Variants in EIF2S2 observed in about 807,000 individuals in gnomAD.
EIF2S2 encodes eukaryotic translation initiation factor 2 subunit 2.
Under a neutral mutation model 44.0 loss-of-function variants are expected in EIF2S2, and 4 were observed. The ratio of observed to expected loss-of-function variants is 0.09; its 90% CI spans 0.04 to 0.21. The LOEUF is 0.21. Among genes scored for constraint, EIF2S2 ranks in the 10% least tolerant of loss-of-function variants. The pLI, the probability that EIF2S2 is intolerant of heterozygous loss-of-function variation, is 1.00. For synonymous variants in EIF2S2, 108 were observed against 128.3 expected (o/e 0.84, Z 1.07); for missense variants, 154 against 392.0 (o/e 0.39, Z 5.13).
At chr20:34,101,419 G>C (rs1299515966) in intron 3 of EIF2S2, among the ~76,000 whole-genome samples, 2 of 152,170 alleles carry the variant, frequency 1.3e-5, no homozygotes, top group African/African-American at 4.8e-5. Context: ...CTGGGCGACA[G>C]AGTGAGACTT....
At chr20:34,091,788 G>GGT (rs1303155355) in intron 7 of EIF2S2, among the ~76,000 whole-genome samples, 1 of 127,362 alleles carries the variant, frequency 7.9e-6, no homozygotes, top group African/African-American at 3.0e-5. Context: ...GGGGGGGGGG[G>GGT]TCCAAGGGTG....
At chr20:34,090,316 C>T (rs532470054) in intron 8 of EIF2S2, among the ~76,000 whole-genome samples, 1 of 152,358 alleles carries the variant, frequency 6.6e-6, no homozygotes, top group South Asian at 2.1e-4. Context: ...ATCAGCTGGG[C>T]TTTCTTTAAA....
At chr20:34,096,189 G>C (rs1226684793) in intron 6 of EIF2S2, among the ~76,000 whole-genome samples, 3 of 152,000 alleles carry the variant, frequency 2.0e-5, no homozygotes, top group African/African-American at 7.2e-5. Flanking sequence ...CATCTAGTTA[G>C]GATCCATCCT....
At chr20:34,109,911 T>C (rs1000394839) in intron 1 of EIF2S2, among the ~76,000 whole-genome samples, 2 of 150,516 alleles carry the variant, frequency 1.3e-5, no homozygotes, top group Non-Finnish European at 3.0e-5. Context: ...AAGACCAACA[T>C]AGTGAGACCC....
intron 6 of EIF2S2, 107 bp from the exon 7 acceptor site, chr20:34,093,838 G>A (rs2034196800): frequency 1.1e-6 from 1 of 911,348 alleles, no homozygotes; most frequent in East Asian, 2.7e-5. Flanking sequence ...GCTATTAAGT[G>A]AATTTCACTG....
chr20:34,102,087 T>C (rs913024500), intron 3 of EIF2S2, among the ~76,000 whole-genome samples: 3 of 152,198 alleles, frequency 2.0e-5, no homozygotes, highest in African/African-American at 7.2e-5. Context: ...GTGCCTTGCC[T>C]GATGACCAGG....
intron 1 of EIF2S2, 94 bp from the exon 2 acceptor site, chr20:34,105,639 TAA>T (rs879834660): frequency 1.5e-5 from 18 of 1,207,248 alleles, no homozygotes; most frequent in Admixed American, 5.8e-5. Context: ...GGCATACTCT[TAA>T]AAGAGTATGT....
At chr20:34,091,166 A>T (rs17091514) in intron 7 of EIF2S2, among the ~76,000 whole-genome samples, 13,884 of 152,204 alleles carry the variant, frequency 0.091, 2,091 homozygotes, top group African/African-American at 0.31. Context: ...TAAGTCTAAA[A>T]CAAACTGATT....
chr20:34,103,641 G>T, intron 2 of EIF2S2, 76 bp from the exon 3 acceptor site: 1 of 1,408,866 alleles, frequency 7.1e-7, no homozygotes, highest in Non-Finnish European at 9.3e-7. Context: ...ACATAGTTCA[G>T]CAATTAATCA....
chr20:34,111,694 C>G (rs137987168), intron 1 of EIF2S2, among the ~76,000 whole-genome samples: 283 of 152,378 alleles, frequency 1.9e-3, no homozygotes, highest in Non-Finnish European at 3.5e-3. Flanking sequence ...CCAAGAGAGG[C>G]TCCTCGCGGC....
At chr20:34,109,642 A>C (rs1281751798) in intron 1 of EIF2S2, among the ~76,000 whole-genome samples, 1 of 152,112 alleles carries the variant, frequency 6.6e-6, no homozygotes, top group Non-Finnish European at 1.5e-5. Context: ...CCTGGGAAAC[A>C]AGAGCGAGAC....
At chr20:34,110,947 C>G (rs2034405356) in intron 1 of EIF2S2, among the ~76,000 whole-genome samples, 1 of 152,178 alleles carries the variant, frequency 6.6e-6, no homozygotes, top group South Asian at 2.1e-4. Context: ...CTGGTTTAGC[C>G]ACTTAGTATT....
intron 1 of EIF2S2, 121 bp downstream of exon 1, chr20:34,111,975 A>C (rs1453945462): frequency 8.7e-7 from 1 of 1,146,076 alleles, no homozygotes; most frequent in Admixed American, 4.2e-5. Flanking sequence ...CGGGCCGCCT[A>C]GGCGCGGCTG....
chr20:34,091,561 C>CA (rs1206774239), intron 7 of EIF2S2, among the ~76,000 whole-genome samples: 1 of 151,464 alleles, frequency 6.6e-6, no homozygotes, highest in Non-Finnish European at 1.5e-5. Flanking sequence ...ACTACAAATA[C>CA]AAAAAAATTA....
At chr20:34,096,595 A>G in intron 6 of EIF2S2, 62 bp downstream of exon 6, 1 of 1,490,546 alleles carries the variant, frequency 6.7e-7, no homozygotes, top group Non-Finnish European at 9.0e-7. Flanking sequence ...GACATTTAAC[A>G]TTCTTAAAAC....
Position 34,098,526 on chromosome 20 carries a change from A to T in EIF2S2, c.405T>A (p.Asp135Glu), listed in dbSNP as rs1337414514. 6.2e-7 allele frequency: 1 copy of T among 1,613,802 alleles called. No individual in the cohort carries two copies. The highest frequency in any genetic ancestry group is 1.7e-5 in the Admixed American group (1 of 60,002). Residue 135 changes from aspartate (D) to glutamate (E), a missense_variant, in exon 4 of 9, where the codon GAT becomes GAA. Physicochemically the swap from Asp to Glu is conservative, Grantham distance 45. Transcript: ENST00000374980. ...CATCTTTCTCTAGTATTTCATCCTC[A>T]TCTGGGAACTTAACATTCTTCTTTT... ...KKKKKNVKFP[D>E]EDEILEKDEA...
chr20:34,108,994 G>C (rs2034380097), intron 1 of EIF2S2, among the ~76,000 whole-genome samples: 1 of 150,464 alleles, frequency 6.6e-6, no homozygotes, highest in Non-Finnish European at 1.5e-5. Flanking sequence ...CTGAAATGTA[G>C]TGACTACTCT....
chr20:34,111,610 G>GGAAGGCAAA (rs1416877568), intron 1 of EIF2S2, among the ~76,000 whole-genome samples: 1 of 152,132 alleles, frequency 6.6e-6, no homozygotes, highest in Non-Finnish European at 1.5e-5. Context: ...AACAATGCTA[G>GGAAGGCAAA]GAAGGCAAAC....
chr20:34,089,927 G>C (rs1412993845), intron 8 of EIF2S2, 22 bp from the exon 9 acceptor site: 2 of 1,612,040 alleles, frequency 1.2e-6, no homozygotes, highest in South Asian at 2.2e-5. Context: ...GCAACACACA[G>C]AATTACCTGG....
Sources: gnomAD v4.1 joint callset for allele counts (sites outside exome capture counted in the v4.1 genomes callset) on GRCh38, gnomAD v4.1.1 for gene constraint, MANE v1.5 for transcripts, NCBI Gene and HGNC (gene_info 2026-07-23, HGNC 2026-07-21) for gene names.